Variants in MARK4 observed in about 807,000 individuals in gnomAD.
MARK4 encodes microtubule affinity regulating kinase 4.
MARK4 carries 19 observed loss-of-function variants against 81.5 expected under a neutral mutation model. That is an observed-to-expected ratio of 0.23 (90% CI 0.16 to 0.34). The LOEUF is 0.34. Ranked by LOEUF, MARK4 falls within the 10% of genes least tolerant of loss-of-function variation. The probability of loss-of-function intolerance (pLI) is 1.00; values close to 1 mark genes in which losing one functional copy is unlikely to be tolerated. For missense variants in MARK4, 772 were observed against 1,058.8 expected (o/e 0.73, Z 3.76); for synonymous variants, 436 against 439.0 (o/e 0.99, Z 0.08).
intron 1 of MARK4, among the ~76,000 whole-genome samples, chr19:45,254,117 T>G (rs548902712): frequency 6.4e-4 from 98 of 152,014 alleles, no homozygotes; most frequent in African/African-American, 1.8e-3. Flanking sequence ...CCACGTGGGG[T>G]CATGCTCCCC....
intron 7 of MARK4, among the ~76,000 whole-genome samples, chr19:45,267,239 G>T (rs1970467536): frequency 6.6e-6 from 1 of 152,050 alleles, no homozygotes; most frequent in Admixed American, 6.6e-5. Flanking sequence ...TGTATTTTTA[G>T]TAGAGACGGA....
At chr19:45,263,667 A>T (rs2123038409) in intron 4 of MARK4, among the ~76,000 whole-genome samples, 1 of 151,666 alleles carries the variant, frequency 6.6e-6, no homozygotes, top group South Asian at 2.1e-4. Flanking sequence ...GCTTGAGCCC[A>T]GGAGCCAGAG....
At chr19:45,295,891 A>C (rs1395172907) in intron 14 of MARK4, among the ~76,000 whole-genome samples, 1 of 152,202 alleles carries the variant, frequency 6.6e-6, no homozygotes, top group African/African-American at 2.4e-5. Flanking sequence ...GCCTTCATTC[A>C]GTGACTTGAG....
intron 13 of MARK4, among the ~76,000 whole-genome samples, chr19:45,291,669 C>G (rs1970822566): frequency 6.6e-6 from 1 of 152,186 alleles, no homozygotes; most frequent in Non-Finnish European, 1.5e-5. Context: ...GTAGTCCCAG[C>G]TACTCGGGAG....
In MARK4 at chr19:45,294,432, G is replaced by T. The variant is rs1416347061; in HGVS notation, c.1578G>T (p.Leu526Phe). 2 of 1,613,988 alleles carry T rather than the reference G, an allele frequency of 1.2e-6. No individual in the cohort carries two copies. The highest frequency in any genetic ancestry group is 1.7e-6 in the Non-Finnish European group (2 of 1,180,042). The change falls in exon 14 of 17, where the codon TTG becomes TTT. Residue 526 changes from leucine (L) to phenylalanine (F), a missense_variant. Leu to Phe is a conservative substitution (Grantham distance 22). Around this residue, in one of 3 missense-constraint regions of MARK4, gnomAD observed 548 missense variants for 624.3 expected, o/e 0.88. Transcript: ENST00000262891. ...ERPGAERPSLLPNGKENSSGT... is the reference protein window; with the variant it reads ...ERPGAERPSLFPNGKENSSGT... ...CGGGGGCTGAGCGCCCGTCACTGTT[G>T]CCAAATGGGAAAGAAAACAGGTACG...
chr19:45,259,275 C>T (rs1970350303), intron 2 of MARK4, 86 bp downstream of exon 2: 3 of 1,470,442 alleles, frequency 2.0e-6, no homozygotes, highest in Non-Finnish European at 2.8e-6. Context: ...AGGATTGGCC[C>T]TGGGTTTGCT....
chr19:45,281,721 C>T (rs1406187620), intron 12 of MARK4, among the ~76,000 whole-genome samples: 1 of 152,142 alleles, frequency 6.6e-6, no homozygotes, highest in African/African-American at 2.4e-5. Context: ...CAGGATGAAG[C>T]TCTGATATCA....
chr19:45,288,643 G>A (rs1264810505), intron 13 of MARK4: 1 of 151,396 alleles, frequency 6.6e-6, no homozygotes, highest in Non-Finnish European at 1.5e-5. Flanking sequence ...GAGGTCAGGA[G>A]ATCGAGACCG....
chr19:45,261,220 C>T (rs539932706), intron 2 of MARK4, among the ~76,000 whole-genome samples: 4 of 152,170 alleles, frequency 2.6e-5, no homozygotes, highest in South Asian at 2.1e-4. Flanking sequence ...CTGATTTTTA[C>T]GCGCTAGTTT....
intron 1 of MARK4, among the ~76,000 whole-genome samples, chr19:45,256,342 G>A (rs56170641): frequency 0.022 from 3,352 of 152,318 alleles, 55 homozygotes; most frequent in Non-Finnish European, 0.034. Flanking sequence ...GAAAGCTGAG[G>A]CAGGAGAATC....
At chr19:45,258,819 C>T (rs1160608070) in intron 1 of MARK4, 170 bp from the exon 2 acceptor site, 2 of 670,932 alleles carry the variant, frequency 3.0e-6, no homozygotes, top group African/African-American at 3.6e-5. Flanking sequence ...GGCTTTTGTT[C>T]CTGGAGGCGT....
chr19:45,273,363 A>G (rs912314552), intron 8 of MARK4, among the ~76,000 whole-genome samples: 2 of 152,174 alleles, frequency 1.3e-5, no homozygotes, highest in African/African-American at 4.8e-5. Context: ...TTATCCCTAA[A>G]GGCGAGAGCG....
In MARK4 at chr19:45,273,143, T is replaced by C. The variant is rs111746634; in HGVS notation, c.786+1435T>C. On this transcript the variant is annotated intron_variant, in intron 8 of 16. Coordinates refer to ENST00000262891, the MANE Select transcript of MARK4 (RefSeq NM_001199867.2). ...CTGAGTTGTTGCTTGCTTTTTTTTT[T>C]TCCCCCTTTGAACTTTTTATTTTGA... Among the ~76,000 whole-genome samples the C allele has an allele frequency of 8.6e-5, 13 of 152,010 alleles. 1 individual carries two copies. The highest frequency in any genetic ancestry group is 2.9e-4 in the African/African-American group (12 of 41,512).
rs766574275 is a variant in MARK4 at position 45,258,983 on chromosome 19, G to T, written c.52-6G>T. On this transcript the variant is annotated splice_polypyrimidine_tract_variant and splice_region_variant and intron_variant, in intron 1 of 16. Transcript: ENST00000262891. ...GGATAGCTCATGCTCCATCTCCCCC[G>T]CCCAGCATGGCACCTTGGGCAGTGG... 6.2e-7 allele frequency: 1 copy of T among 1,611,234 alleles called. No homozygotes were observed. Among genetic ancestry groups the T allele is most frequent in the East Asian group, 2.2e-5 (1 of 44,850 alleles).
At chr19:45,279,731 C>G (rs537408392) in intron 10 of MARK4, among the ~76,000 whole-genome samples, 1 of 152,248 alleles carries the variant, frequency 6.6e-6, no homozygotes, top group African/African-American at 2.4e-5. Context: ...ATAGAGTATG[C>G]AGCCTTCAGG....
chr19:45,288,534 C>T (rs1014300526), intron 13 of MARK4: 1 of 121,462 alleles, frequency 8.2e-6, no homozygotes, highest in African/African-American at 3.3e-5. Flanking sequence ...GGATAGGTGA[C>T]AGAGTGAGAC....
intron 12 of MARK4, among the ~76,000 whole-genome samples, chr19:45,287,171 T>G (rs1041498357): frequency 7.4e-6 from 1 of 134,882 alleles, no homozygotes; most frequent in Non-Finnish European, 1.5e-5. Context: ...ACCACTGCAC[T>G]CCAGCCTGGC....
intron 12 of MARK4, among the ~76,000 whole-genome samples, chr19:45,285,592 T>A (rs537927345): frequency 2.7e-4 from 41 of 152,268 alleles, no homozygotes; most frequent in African/African-American, 9.6e-4. Context: ...TTCCCACCTG[T>A]AAAATGACAG....
At chr19:45,286,443 C>T (rs988749761) in intron 12 of MARK4, among the ~76,000 whole-genome samples, 2 of 150,360 alleles carry the variant, frequency 1.3e-5, no homozygotes, top group Non-Finnish European at 1.5e-5. Context: ...GGTGCGGTGG[C>T]TCACGCCTGT....
Sources: allele counts gnomAD v4.1 joint callset (sites outside exome capture counted in the v4.1 genomes callset), GRCh38; gene constraint gnomAD v4.1.1; regional missense constraint gnomAD v4.1.1; transcripts MANE v1.5; gene names NCBI Gene and HGNC (gene_info 2026-07-23, HGNC 2026-07-21).